The following LSM1 variants were observed in gnomAD, a reference collection of about 807,000 sequenced individuals.
LSM1 encodes LSM1 homolog, mRNA degradation associated.
In LSM1, 13 loss-of-function variants were observed where a neutral mutation model predicts 18.0. The ratio of observed to expected loss-of-function variants is 0.72; its 90% CI spans 0.47 to 1.15. The LOEUF is 1.15. Among genes scored for constraint, LSM1 ranks in the 50% most tolerant of loss-of-function variants. The pLI is 0.00. For synonymous variants in LSM1, 46 were observed against 56.0 expected, an observed-to-expected ratio of 0.82 and a Z score of 0.80; for missense variants, 152 against 157.7, an observed-to-expected ratio of 0.96 and a Z score of 0.19.
intron 3 of LSM1, among the ~76,000 whole-genome samples, chr8:38,169,545 T>C (rs1030957697): frequency 1.3e-5 from 2 of 152,210 alleles, no homozygotes; most frequent in African/African-American, 4.8e-5. Flanking sequence ...TTCCAACGTA[T>C]GTAAGACACA....
At position 38,175,959 on chromosome 8, in the gene LSM1, C is replaced by A. The variant is rs974970946; in HGVS notation, c.46+316G>T. ...GGCAGGAGTGGACGGGGGAGAAGCCCCCCCCCTCCCCGGGCTTCTTTCGTG... is the reference window on the plus strand; with the variant it reads ...GGCAGGAGTGGACGGGGGAGAAGCCACCCCCCTCCCCGGGCTTCTTTCGTG... On this transcript the variant is annotated intron_variant, in intron 1 of 3. Coordinates refer to ENST00000311351, the MANE Select transcript of LSM1 (RefSeq NM_014462.3). 9.9e-6 allele frequency: 3 copies of A among 303,192 alleles called. No homozygotes were observed. In the South Asian group the frequency reaches 1.7e-4, roughly 17 times the overall value. The allele number at this position is 303,192 out of a possible 1,614,324, so 18.8% of individuals were successfully genotyped here.
At chr8:38,173,567 G>A (rs1318847184) in intron 1 of LSM1, among the ~76,000 whole-genome samples, 1 of 152,194 alleles carries the variant, frequency 6.6e-6, no homozygotes, top group East Asian at 1.9e-4. Flanking sequence ...TGTTTACTGA[G>A]TTTGTATAAG....
intron 1 of LSM1, among the ~76,000 whole-genome samples, chr8:38,174,289 G>C (rs1346151978): frequency 6.6e-6 from 1 of 152,026 alleles, no homozygotes; most frequent in Non-Finnish European, 1.5e-5. Context: ...GGAGACAGAG[G>C]ATATAAAAGA....
Position 38,176,435 on chromosome 8 carries a change from G to C in LSM1, c.-115C>G, listed in dbSNP as rs1275070428. The C allele has an allele frequency of 3.7e-6, 3 of 805,268 alleles. No homozygotes were observed. Among genetic ancestry groups the C allele is most frequent in the South Asian group, 3.2e-5 (2 of 62,756 alleles). 49.9% of individuals were successfully genotyped at this position (805,268 alleles called of 1,614,324 possible). A position where few individuals can be genotyped will look rare whatever the true frequency, so the allele number is the denominator to read the frequency against. On this transcript the variant is annotated 5_prime_UTR_variant, in exon 1 of 4. Transcript: ENST00000311351. ...GGACCAAGCCCGGAATCCCGACCGA[G>C]ACCAGCACTTCTGCCCCGGCTTTCA...
At chr8:38,173,406 AGAG>A (rs947554828) in intron 1 of LSM1, among the ~76,000 whole-genome samples, 1 of 152,068 alleles carries the variant, frequency 6.6e-6, no homozygotes, top group Admixed American at 6.6e-5. Flanking sequence ...TGTAAATTAA[AGAG>A]GAGGAAAAAA....
chr8:38,175,039 A>AG (rs1459741724), intron 1 of LSM1, among the ~76,000 whole-genome samples: 1 of 149,790 alleles, frequency 6.7e-6, no homozygotes, highest in African/African-American at 2.5e-5. Context: ...AAAAAAAAAA[A>AG]AAAAAGAAAA....
At position 38,164,619 on chromosome 8, in the gene LSM1, C is replaced by T. The variant is rs895904251; in HGVS notation, c.232-779G>A. On this transcript the variant is annotated intron_variant, in intron 3 of 3. Transcript: ENST00000311351. ...GGAGGATCACTTGGGCCTAGGAGTT[C>T]GAGACCAGCCTGGGCAACACAGTGA... Among the ~76,000 whole-genome samples the T allele has an allele frequency of 8.0e-5, 12 of 150,350 alleles. No individual in the cohort carries two copies. The Admixed American group carries it at 8.0e-4, about 10-fold the overall frequency.
intron 1 of LSM1, 134 bp downstream of exon 1, chr8:38,176,141 G>C (rs922172721): frequency 3.0e-6 from 2 of 675,994 alleles, no homozygotes; most frequent in Non-Finnish European, 5.1e-6. Context: ...GGACATCGAC[G>C]CGGAACGCCC....
At chr8:38,172,502 A>G (rs931078356) in intron 1 of LSM1, among the ~76,000 whole-genome samples, 1 of 151,930 alleles carries the variant, frequency 6.6e-6, no homozygotes, top group Non-Finnish European at 1.5e-5. Context: ...TCATATTTTT[A>G]GTAGAGATGG....
intron 1 of LSM1, among the ~76,000 whole-genome samples, chr8:38,173,660 A>G (rs1022143565): frequency 3.3e-5 from 5 of 152,236 alleles, no homozygotes; most frequent in Non-Finnish European, 7.3e-5. Context: ...ACTATTTACC[A>G]AGAGTTGGGA....
At chr8:38,168,348 T>C (rs2130641649) in intron 3 of LSM1, among the ~76,000 whole-genome samples, 1 of 150,236 alleles carries the variant, frequency 6.7e-6, no homozygotes, top group African/African-American at 2.4e-5. Flanking sequence ...CCCAGCACAC[T>C]GGGAGGCCGA....
intron 2 of LSM1, among the ~76,000 whole-genome samples, chr8:38,171,185 T>C (rs1047743361): frequency 6.6e-6 from 1 of 152,184 alleles, no homozygotes; most frequent in Non-Finnish European, 1.5e-5. Context: ...TAGGGAGGGA[T>C]TACCTTCACT....
intron 1 of LSM1, among the ~76,000 whole-genome samples, chr8:38,172,386 A>G (rs2130646714): frequency 1.3e-5 from 2 of 149,584 alleles, no homozygotes; most frequent in Middle Eastern, 7.0e-3. Context: ...CAGTGGCACA[A>G]TCTCGGCTTA....
intron 3 of LSM1, 144 bp from the exon 4 acceptor site, chr8:38,163,984 G>A (rs1178648965): frequency 2.8e-6 from 2 of 716,248 alleles, no homozygotes; most frequent in Admixed American, 2.7e-5. Flanking sequence ...CTAGGGACCG[G>A]TAAGTTTTTC....
chr8:38,167,900 T>C (rs1802963967), intron 3 of LSM1, among the ~76,000 whole-genome samples: 1 of 151,692 alleles, frequency 6.6e-6, no homozygotes, highest in African/African-American at 2.4e-5. Context: ...AAAAAAATAC[T>C]GGCAGACTAC....
intron 1 of LSM1, among the ~76,000 whole-genome samples, 189 bp from the exon 2 acceptor site, chr8:38,172,222 T>C (rs1332145735): frequency 6.6e-6 from 1 of 150,990 alleles, no homozygotes; most frequent in Non-Finnish European, 1.5e-5. Flanking sequence ...GTGAAAAGAA[T>C]CAGAGCAGTG....
chr8:38,163,739 C>G lies in LSM1; in HGVS notation c.333G>C (p.Lys111Asn). 6.2e-7 allele frequency: 1 copy of G among 1,614,190 alleles called. No individual in the cohort carries two copies. ...VEQQTKLEAE[K>N]LKVQALKDRG... Reference sequence around the variant, plus strand: ...GGTCCTTCAGGGCCTGCACTTTCAACTTCTCTGCTTCCAGCTTGGTCTGCT... The same window carrying G: ...GGTCCTTCAGGGCCTGCACTTTCAAGTTCTCTGCTTCCAGCTTGGTCTGCT... The change falls in exon 4 of 4, where the codon AAG becomes AAC. Residue 111 changes from lysine to asparagine, a missense_variant. Transcript: ENST00000311351.
intron 3 of LSM1, among the ~76,000 whole-genome samples, chr8:38,164,942 T>G (rs550056405): frequency 1.2e-3 from 188 of 152,320 alleles, no homozygotes; most frequent in South Asian, 2.9e-3. Context: ...AGATCTAAAC[T>G]GTAACAAGAC....
At chr8:38,165,309 CG>C (rs1307980547) in intron 3 of LSM1, among the ~76,000 whole-genome samples, 1 of 151,808 alleles carries the variant, frequency 6.6e-6, no homozygotes, top group Non-Finnish European at 1.5e-5. Context: ...GCGGAGATCA[CG>C]CCATTGCACT....
Sources: allele counts gnomAD v4.1 joint callset (sites outside exome capture counted in the v4.1 genomes callset), GRCh38; gene constraint gnomAD v4.1.1; transcripts MANE v1.5; gene names NCBI Gene and HGNC (gene_info 2026-07-23, HGNC 2026-07-21).